TEX29: variants seen among roughly 807,000 people sequenced by gnomAD.
TEX29 encodes the protein testis expressed 29.
In TEX29, 26 loss-of-function variants were observed where a neutral mutation model predicts 18.2. The observed-to-expected ratio is 1.43, with a 90% CI of 1.04 to 1.98. TEX29 has a LOEUF of 1.98. Ranked by LOEUF, TEX29 falls within the 30% of genes most tolerant of loss-of-function variation. The pLI, the probability that TEX29 is intolerant of heterozygous loss-of-function variation, is 0.00. For synonymous variants in TEX29, 83 were observed against 78.5 expected (o/e 1.06, Z -0.31); for missense variants, 177 against 194.2 (o/e 0.91, Z 0.53).
At chr13:111,337,095 CT>C (rs1259654550) in intron 3 of TEX29, among the ~76,000 whole-genome samples, 1 of 152,180 alleles carries the variant, frequency 6.6e-6, no homozygotes, top group Non-Finnish European at 1.5e-5. Context: ...TTAATTCACC[CT>C]TTCACTTTAT....
intron 4 of TEX29, 42 bp downstream of exon 4, chr13:111,339,974 G>GGGGGGCCCGGGGC: frequency 7.2e-7 from 1 of 1,379,844 alleles, no homozygotes; most frequent in Non-Finnish European, 1.0e-6. Context: ...GGGAGGAGGG[G>GGGGGGCCCGGGGC]ACTCACCTCT....
At chr13:111,322,642 G>C (rs1213155594) in intron 2 of TEX29, among the ~76,000 whole-genome samples, 1 of 152,188 alleles carries the variant, frequency 6.6e-6, no homozygotes, top group Non-Finnish European at 1.5e-5. Context: ...CCTTGCCATG[G>C]CCATGCCCAG....
At chr13:111,342,959 C>T (rs367646311) in intron 5 of TEX29, 28 bp downstream of exon 5, 2 of 1,609,768 alleles carry the variant, frequency 1.2e-6, no homozygotes, top group Non-Finnish European at 1.7e-6. Context: ...TGATCCTCAG[C>T]CTAAGGTCAA....
chr13:111,343,605 C>G (rs891744543), intron 5 of TEX29, among the ~76,000 whole-genome samples: 1 of 152,210 alleles, frequency 6.6e-6, no homozygotes, highest in African/African-American at 2.4e-5. Flanking sequence ...TAGATCAGCA[C>G]CTTGCCAGGT....
intron 5 of TEX29, 122 bp from the exon 6 acceptor site, chr13:111,343,960 GC>G (rs1298830498): frequency 2.5e-6 from 2 of 794,178 alleles, no homozygotes; most frequent in East Asian, 4.9e-5. Flanking sequence ...CCCAAAACTG[GC>G]TTTTGAATCA....
chr13:111,326,688 C>T (rs1415113762), intron 2 of TEX29, among the ~76,000 whole-genome samples: 1 of 137,526 alleles, frequency 7.3e-6, no homozygotes, highest in Admixed American at 7.4e-5. Context: ...GCAACGTGAG[C>T]CTGGCGCTGG....
At position 111,342,714 on chromosome 13, in the gene TEX29, T is replaced by A. The variant is rs770043909; in HGVS notation, c.240-42T>A. 5 of 1,592,960 alleles carry A rather than the reference T, an allele frequency of 3.1e-6. No individual in the cohort carries two copies. The East Asian group carries it at 6.8e-5, about 22-fold the overall frequency. On this transcript the variant is annotated intron_variant, in intron 4 of 5. Transcript: ENST00000283547. ...GAGGGAGGAACTGGAGAGTTTTCCA[T>A]CTGTAACTTCCCTGACTGTGATAAA...
intron 4 of TEX29, among the ~76,000 whole-genome samples, chr13:111,341,887 A>T (rs1048454118): frequency 3.3e-5 from 5 of 152,238 alleles, no homozygotes; most frequent in Non-Finnish European, 7.3e-5. Flanking sequence ...TGATTGACGC[A>T]GCATCGAGGG....
intron 4 of TEX29, 136 bp from the exon 5 acceptor site, chr13:111,342,620 C>T: frequency 3.1e-6 from 2 of 652,946 alleles, no homozygotes; most frequent in Non-Finnish European, 2.4e-6. Context: ...TACATCAAAG[C>T]ATTTACCTTA....
intron 3 of TEX29, among the ~76,000 whole-genome samples, chr13:111,330,884 T>C (rs886628540): frequency 1.3e-5 from 2 of 152,188 alleles, no homozygotes; most frequent in Non-Finnish European, 2.9e-5. Flanking sequence ...CAGTACTTCC[T>C]TTCTGTTTAT....
upstream of TEX29, among the ~76,000 whole-genome samples, chr13:111,318,599 A>T (rs2093658495): frequency 2.0e-5 from 3 of 148,708 alleles, no homozygotes; most frequent in Admixed American, 2.0e-4. Flanking sequence ...CCTGGCAATG[A>T]CCACACTGCA....
Position 111,333,795 on chromosome 13 carries a change from A to C in TEX29, c.169+5502A>C, listed in dbSNP as rs375116488. 5.3e-3 allele frequency among the ~76,000 whole-genome samples: 809 copies of C among 151,916 alleles called. 13 individuals are homozygous for C. Among genetic ancestry groups the C allele is most frequent in the African/African-American group, 0.018 (732 of 41,196 alleles). On this transcript the variant is annotated intron_variant, in intron 3 of 5. Coordinates refer to ENST00000283547, the MANE Select transcript of TEX29 (RefSeq NM_152324.3). The stretch of plus-strand genomic sequence containing the variant: ...CAAGGTTGTGGGAAGGGAACTGCCA[A>C]ACACTTTTAAACCATCGGATCTTGT...
intron 2 of TEX29, 35 bp downstream of exon 2, chr13:111,320,983 TGGG>T: frequency 5.2e-6 from 1 of 193,526 alleles, no homozygotes; most frequent in Non-Finnish European, 9.0e-6. Flanking sequence ...GCGGGTGGGG[TGGG>T]GGAGCAGTTG....
upstream of TEX29, among the ~76,000 whole-genome samples, chr13:111,319,432 C>T (rs1456520998): frequency 6.6e-6 from 1 of 152,154 alleles, no homozygotes; most frequent in Non-Finnish European, 1.5e-5. Flanking sequence ...GCAGGTGAAC[C>T]TTCTGCAACA....
upstream of TEX29, among the ~76,000 whole-genome samples, chr13:111,316,837 G>A (rs1264726343): frequency 2.0e-5 from 3 of 152,272 alleles, no homozygotes; most frequent in South Asian, 2.1e-4. Context: ...ATTGACTCAC[G>A]GTTCCACATG....
Position 111,332,116 on chromosome 13 carries a change from G to A in TEX29, c.169+3823G>A, listed in dbSNP as rs769174893. ...TTGGCAATTTGATTGGGGTTGTGTT[G>A]AATCTGTATATAATTTGGGAAGTAT... is the stretch of plus-strand genomic sequence containing the variant. On this transcript the variant is annotated intron_variant, in intron 3 of 5. Transcript: ENST00000283547. Among the ~76,000 whole-genome samples the A allele has an allele frequency of 4.6e-5, 7 of 152,060 alleles. No homozygotes were observed. In the South Asian group the frequency reaches 1.0e-3, roughly 23 times the overall value.
chr13:111,329,511 A>G (rs1186560427), intron 3 of TEX29, among the ~76,000 whole-genome samples: 1 of 151,240 alleles, frequency 6.6e-6, no homozygotes, highest in Non-Finnish European at 1.5e-5. Flanking sequence ...TAGGGCTTAG[A>G]AAGTCGGGAA....
intron 2 of TEX29, among the ~76,000 whole-genome samples, chr13:111,323,503 A>G (rs1338480276): frequency 6.6e-6 from 1 of 152,236 alleles, no homozygotes; most frequent in Non-Finnish European, 1.5e-5. Context: ...AAACTGTGAC[A>G]CACTTTCCAC....
At chr13:111,317,450 G>A (rs937541236), upstream of TEX29, among the ~76,000 whole-genome samples, 2 of 152,206 alleles carry the variant, frequency 1.3e-5, no homozygotes, top group African/African-American at 4.8e-5. Flanking sequence ...CAGGGTGGGG[G>A]CCACAGGCTC....
Sources: gnomAD v4.1 joint callset for allele counts (sites outside exome capture counted in the v4.1 genomes callset) on GRCh38, gnomAD v4.1.1 for gene constraint, MANE v1.5 for transcripts, NCBI Gene and HGNC (gene_info 2026-07-23, HGNC 2026-07-21) for gene names.